Variants in AGL observed in about 807,000 individuals in gnomAD.
AGL encodes the protein glycogen debranching enzyme.
A neutral mutation model predicts 199.3 loss-of-function variants in AGL; 128 were observed. That is an observed-to-expected ratio of 0.64 (90% CI 0.56 to 0.74). The LOEUF (loss-of-function observed/expected upper bound fraction) is 0.74, where lower values mean the gene tolerates loss of function less well. AGL is among the 30% of genes least tolerant of loss of function. AGL has a pLI of 0.00. For missense variants in AGL, 1,809 were observed against 1,820.8 expected (o/e 0.99, Z 0.12); for synonymous variants, 584 against 594.7 (o/e 0.98, Z 0.26).
intron 29 of AGL, among the ~76,000 whole-genome samples, chr1:99,912,887 T>G (rs1654849010): frequency 6.6e-6 from 1 of 152,156 alleles, no homozygotes; most frequent in Non-Finnish European, 1.5e-5. Flanking sequence ...GTACCCACAT[T>G]TTAAAAAGTA....
intron 5 of AGL, among the ~76,000 whole-genome samples, chr1:99,866,677 A>G (rs59366788): frequency 0.27 from 41,686 of 152,082 alleles, 6,840 homozygotes; most frequent in African/African-American, 0.45. Context: ...AGCAGTCTCT[A>G]CCACAGACTG....
At chr1:99,874,868 A>G (rs1215350818) in intron 8 of AGL, 58 bp downstream of exon 8, 4 of 1,571,268 alleles carry the variant, frequency 2.5e-6, no homozygotes, top group Middle Eastern at 3.4e-4. Flanking sequence ...CTTTATGGCT[A>G]GTATGATTTT....
intron 26 of AGL, 134 bp downstream of exon 26, chr1:99,900,995 G>A (rs1653793718): frequency 2.4e-6 from 2 of 828,976 alleles, no homozygotes; most frequent in Non-Finnish European, 3.8e-6. Flanking sequence ...TATTGATTTG[G>A]CACCTGCTGG....
In AGL at chr1:99,922,509, A is replaced by G. The variant is rs1406313523; in HGVS notation, c.*858A>G. ...TAGATACTGGTTTTCTATTAACTCA[A>G]AACCTACATTGACAAGTTTAACATT... On this transcript the variant is annotated 3_prime_UTR_variant, in exon 34 of 34. Coordinates refer to ENST00000361915, the MANE Select transcript of AGL (RefSeq NM_000642.3). 1 of 151,774 alleles carries G rather than the reference A, an allele frequency of 6.6e-6. No homozygotes were observed. Among genetic ancestry groups the G allele is most frequent in the African/African-American group, 2.4e-5 (1 of 41,444 alleles). The allele number at this position is 151,774 out of a possible 1,614,324, so 9.4% of individuals were successfully genotyped here. A position where few individuals can be genotyped will look rare whatever the true frequency, so the allele number is the denominator to read the frequency against.
Position 99,884,375 on chromosome 1 carries a change from G to A in AGL, c.2470G>A (p.Ala824Thr), listed in dbSNP as rs1173687543. Reference sequence around the variant, plus strand: ...TAAAATTGTTAAACAAGCTGGAGTTGCCACAAAAGGGCCCAATGAATATAT... The same window carrying A: ...TAAAATTGTTAAACAAGCTGGAGTTACCACAAAAGGGCCCAATGAATATAT... ...ESKIVKQAGV[A>T]TKGPNEYIQE... is the part of the protein sequence containing the mutation. The change falls in exon 19 of 34, where the codon GCC (alanine) becomes ACC (threonine). Residue 824 changes from alanine (A) to threonine (T), a missense_variant. Coordinates refer to ENST00000361915, the MANE Select transcript of AGL (RefSeq NM_000642.3). 2.5e-6 allele frequency: 4 copies of A among 1,613,086 alleles called. No homozygotes were observed. Among genetic ancestry groups the A allele is most frequent in the Non-Finnish European group, 2.5e-6 (3 of 1,179,568 alleles).
intron 25 of AGL, among the ~76,000 whole-genome samples, chr1:99,899,184 C>T (rs1402263492): frequency 1.3e-5 from 2 of 152,082 alleles, no homozygotes; most frequent in Non-Finnish European, 2.9e-5. Flanking sequence ...AAAAGTTTCC[C>T]ATTGCATTAC....
intron 2 of AGL, among the ~76,000 whole-genome samples, chr1:99,851,553 G>T (rs1648953852): frequency 6.6e-6 from 1 of 152,206 alleles, no homozygotes; most frequent in East Asian, 1.9e-4. Context: ...AAAATAGATT[G>T]CAGCAAAAAG....
chr1:99,918,057 A>G lies in AGL; in HGVS notation c.4481+1326A>G, dbSNP rs117596745. 3.0e-4 allele frequency among the ~76,000 whole-genome samples: 45 copies of G among 152,250 alleles called. 2 individuals are homozygous for G. In the East Asian group the frequency reaches 8.7e-3, roughly 29 times the overall value. ...TCCTTCTACCCGAAGGACTTTCTCCATCATGTCTTGTAGTGTTTGCCTCCT... is the reference window on the plus strand; with the variant it reads ...TCCTTCTACCCGAAGGACTTTCTCCGTCATGTCTTGTAGTGTTTGCCTCCT... On this transcript the variant is annotated intron_variant, in intron 33 of 33. Coordinates refer to ENST00000361915, the MANE Select transcript of AGL (RefSeq NM_000642.3).
Position 99,881,711 on chromosome 1 carries a change from G to T in AGL, c.2308+20G>T. The T allele has an allele frequency of 6.2e-7, 1 of 1,603,486 alleles. No homozygotes were observed. Among genetic ancestry groups the T allele is most frequent in the Non-Finnish European group, 8.5e-7 (1 of 1,170,864 alleles). On this transcript the variant is annotated intron_variant, in intron 17 of 33. Transcript: ENST00000361915. ...TCCCTGGTAATGCAATCTAAAAATT[G>T]TTACTGTATTTGTATTATATTATTA...
intron 5 of AGL, among the ~76,000 whole-genome samples, chr1:99,869,030 T>TG (rs1353061494): frequency 6.6e-6 from 1 of 152,092 alleles, no homozygotes; most frequent in Admixed American, 6.6e-5. Context: ...CTCACTATGT[T>TG]GCCCAGGCTG....
intron 25 of AGL, among the ~76,000 whole-genome samples, chr1:99,897,777 T>C (rs1210981541): frequency 2.6e-5 from 4 of 152,178 alleles, no homozygotes; most frequent in African/African-American, 7.2e-5. Context: ...CAAATTACCT[T>C]ACTGGGTACT....
In AGL at chr1:99,918,895, GGCTGGTGGGAACAAGCAAGTGTTCCTGAC is replaced by G. The variant is rs369012039; in HGVS notation, c.4481+2169_4481+2197del. Among the ~76,000 whole-genome samples the G allele has an allele frequency of 1.3e-3, 201 of 152,260 alleles. 1 individual carries two copies. The highest frequency in any genetic ancestry group is 4.7e-3 in the African/African-American group (197 of 41,550). On this transcript the variant is annotated intron_variant, in intron 33 of 33. Transcript: ENST00000361915. ...CGAAAATTATGACGTTTTCAAATCT[GGCTGGTGGGAACAAGCAAGTGTTCCTGAC>G]GCTGTATGAGTGCCACATACTGCTT...
intron 27 of AGL, among the ~76,000 whole-genome samples, 178 bp downstream of exon 27, chr1:99,902,972 C>T (rs538314033): frequency 1.3e-5 from 2 of 152,120 alleles, no homozygotes; most frequent in Non-Finnish European, 2.9e-5. Flanking sequence ...AATTTTATAT[C>T]TTTTGTCAGC....
chr1:99,918,100 A>G (rs1296745880), intron 33 of AGL, among the ~76,000 whole-genome samples: 10 of 152,120 alleles, frequency 6.6e-5, no homozygotes, highest in South Asian at 2.1e-4. Flanking sequence ...AATTCTTTCA[A>G]TTCTTATAAG....
intron 13 of AGL, 33 bp from the exon 14 acceptor site, chr1:99,880,599 A>C: frequency 6.2e-7 from 1 of 1,608,028 alleles, no homozygotes; most frequent in Non-Finnish European, 8.5e-7. Context: ...ATAAATAATG[A>C]AGATTGTTAA....
chr1:99,903,706 G>T (rs564871777), intron 27 of AGL, among the ~76,000 whole-genome samples: 1 of 152,158 alleles, frequency 6.6e-6, no homozygotes, highest in South Asian at 2.1e-4. Context: ...CTGAGGAATC[G>T]CCACACTGAC....
In AGL at chr1:99,915,573, G is replaced by T. The variant is rs1570515505; in HGVS notation, c.4259+87G>T. On this transcript the variant is annotated intron_variant, in intron 31 of 33. Coordinates refer to ENST00000361915, the MANE Select transcript of AGL (RefSeq NM_000642.3). The stretch of plus-strand genomic sequence containing the variant: ...CCATAATTTTTTTTTTTTTGCCAGG[G>T]CAACAAAAGGAGATGCCATCTCTAC... 3 of 1,012,280 alleles carry T rather than the reference G, an allele frequency of 3.0e-6. No homozygotes were observed. The East Asian group carries it at 7.2e-5, about 24-fold the overall frequency. 62.7% of individuals were successfully genotyped at this position (1,012,280 alleles called of 1,614,324 possible).
intron 5 of AGL, among the ~76,000 whole-genome samples, chr1:99,866,555 C>A: frequency 6.6e-6 from 1 of 152,256 alleles, no homozygotes. Flanking sequence ...CTTGCCATAC[C>A]TACCTTAAAG....
chr1:99,902,388 G>A (rs1653911868), intron 26 of AGL, among the ~76,000 whole-genome samples: 1 of 152,144 alleles, frequency 6.6e-6, no homozygotes, highest in South Asian at 2.1e-4. Flanking sequence ...TCGTTTATTA[G>A]CTGAAGAGAT....
Sources: allele counts gnomAD v4.1 joint callset (sites outside exome capture counted in the v4.1 genomes callset), GRCh38; gene constraint gnomAD v4.1.1; transcripts MANE v1.5; gene names NCBI Gene and HGNC (gene_info 2026-07-23, HGNC 2026-07-21).